The following MTMR12 variants were observed in gnomAD, a reference collection of about 807,000 sequenced individuals.
MTMR12 encodes the protein myotubularin-related protein 12.
A neutral mutation model predicts 96.7 loss-of-function variants in MTMR12; 33 were observed. The ratio of observed to expected loss-of-function variants is 0.34; its 90% CI spans 0.26 to 0.46. MTMR12 has a LOEUF of 0.46. Among genes scored for constraint, MTMR12 ranks in the 20% least tolerant of loss-of-function variants. MTMR12 has a pLI of 1.00. For synonymous variants in MTMR12, 298 were observed against 327.2 expected, an observed-to-expected ratio of 0.91 and a Z score of 0.96; for missense variants, 721 against 896.1, an observed-to-expected ratio of 0.80 and a Z score of 2.49.
chr5:32,264,761 T>TATTAC (rs547306352), intron 6 of MTMR12, among the ~76,000 whole-genome samples: 349 of 152,174 alleles, frequency 2.3e-3, no homozygotes, highest in African/African-American at 8.2e-3. Flanking sequence ...ACCCAGCCTA[T>TATTAC]ATTACATTTT....
chr5:32,293,815 C>A lies in MTMR12; in HGVS notation c.82-17073G>T, dbSNP rs1750827389. Among the ~76,000 whole-genome samples the A allele has an allele frequency of 1.3e-5, 2 of 152,304 alleles. 1 individual carries two copies. The highest frequency in any genetic ancestry group is 4.8e-5 in the African/African-American group (2 of 41,572). On this transcript the variant is annotated intron_variant, in intron 1 of 15. Coordinates refer to ENST00000382142, the MANE Select transcript of MTMR12 (RefSeq NM_001040446.3). ...CCTGGACACCTCAACAGCCTCCTGG[C>A]CACCTGCACCAGAATGTCCCTCATA...
intron 15 of MTMR12, among the ~76,000 whole-genome samples, chr5:32,232,131 C>T (rs968419960): frequency 6.6e-5 from 10 of 152,162 alleles, no homozygotes; most frequent in Non-Finnish European, 1.5e-4. Context: ...CTGGCCCGGG[C>T]CTGCGGCTGA....
chr5:32,266,941 A>T (rs1749622809), intron 6 of MTMR12, among the ~76,000 whole-genome samples: 1 of 147,246 alleles, frequency 6.8e-6, no homozygotes. Flanking sequence ...TTAGCTGGGC[A>T]TGGTGGCGCA....
At chr5:32,271,789 A>G in intron 4 of MTMR12, 44 bp downstream of exon 4, 1 of 1,187,236 alleles carries the variant, frequency 8.4e-7, no homozygotes, top group South Asian at 1.6e-5. Context: ...TATCACCTAT[A>G]CTCTCAAAGG....
chr5:32,295,979 C>A (rs1750905631), intron 1 of MTMR12, among the ~76,000 whole-genome samples: 1 of 151,944 alleles, frequency 6.6e-6, no homozygotes, highest in Non-Finnish European at 1.5e-5. Flanking sequence ...TATGGTGAAA[C>A]CCCATCTCTA....
chr5:32,257,809 A>G (rs919189838), intron 7 of MTMR12, among the ~76,000 whole-genome samples: 1 of 151,966 alleles, frequency 6.6e-6, no homozygotes, highest in Non-Finnish European at 1.5e-5. Flanking sequence ...CAACAACAAA[A>G]AACTTGGACT....
intron 2 of MTMR12, among the ~76,000 whole-genome samples, chr5:32,274,754 T>G (rs1749984808): frequency 6.6e-6 from 1 of 152,182 alleles, no homozygotes; most frequent in Admixed American, 6.5e-5. Context: ...TTTCCTCTCT[T>G]TCTTAGTTAA....
chr5:32,298,613 C>G (rs973432157), intron 1 of MTMR12, among the ~76,000 whole-genome samples: 2 of 152,068 alleles, frequency 1.3e-5, no homozygotes, highest in African/African-American at 2.4e-5. Context: ...ATAAGAGGGA[C>G]AGCATGCCTG....
chr5:32,255,960 A>G, intron 7 of MTMR12, 192 bp from the exon 8 acceptor site: 1 of 399,918 alleles, frequency 2.5e-6, no homozygotes, highest in Non-Finnish European at 4.6e-6. Context: ...ATCAGTGGGG[A>G]ATCTAAGTTC....
In MTMR12 at chr5:32,235,103, A is replaced by T; in HGVS notation, c.1371T>A (p.Asp457Glu). 6.2e-7 allele frequency: 1 copy of T among 1,613,766 alleles called. No individual in the cohort carries two copies. Among genetic ancestry groups the T allele is most frequent in the Non-Finnish European group, 8.5e-7 (1 of 1,179,898 alleles). The change falls in exon 14 of 16, where the codon GAT becomes GAA. Residue 457 changes from aspartate (D) to glutamate (E), a missense_variant. Coordinates refer to ENST00000382142, the MANE Select transcript of MTMR12 (RefSeq NM_001040446.3). ...EEVPVFLLFL[D>E]CVWQLVHQHP... Reference sequence around the variant, plus strand: ...GCTGGTGCACCAGCTGCCAGACACAATCTAGGAAAAGCAGGAACACAGGAA... The same window carrying T: ...GCTGGTGCACCAGCTGCCAGACACATTCTAGGAAAAGCAGGAACACAGGAA...
chr5:32,233,887 G>A lies in MTMR12; in HGVS notation c.1560C>T (p.Thr520=), dbSNP rs140912569. ...CAAACTGCACCGACCAATCCCACAC[G>A]GTGAGCAGATTCAAAGGCTTGCTTT... ...DTQSKPLNLL[T]VWDWSVQFEP... Residue 520 remains threonine, a synonymous_variant, in exon 15 of 16, where the codon ACC becomes ACT. Coordinates refer to ENST00000382142, the MANE Select transcript of MTMR12 (RefSeq NM_001040446.3). This position sits in a 1 kb window ranked among gnomAD's most constrained non-coding sequence, Gnocchi z 5.0. 2.2e-5 allele frequency: 35 copies of A among 1,614,144 alleles called. No individual in the cohort carries two copies. The African/African-American group carries it at 2.7e-4, about 12-fold the overall frequency.
intron 10 of MTMR12, among the ~76,000 whole-genome samples, chr5:32,244,028 G>A (rs1401016760): frequency 3.3e-5 from 5 of 152,138 alleles, no homozygotes; most frequent in Middle Eastern, 3.2e-3. Flanking sequence ...CAATGCACAA[G>A]TTCGTCCACC....
intron 1 of MTMR12, among the ~76,000 whole-genome samples, chr5:32,282,162 C>T (rs190612284): frequency 1.3e-5 from 2 of 152,228 alleles, no homozygotes; most frequent in Admixed American, 1.3e-4. Flanking sequence ...GCGGACGGAT[C>T]ACGAGGTCAG....
At chr5:32,295,071 G>C (rs1187521308) in intron 1 of MTMR12, among the ~76,000 whole-genome samples, 1 of 152,190 alleles carries the variant, frequency 6.6e-6, no homozygotes, top group Non-Finnish European at 1.5e-5. Context: ...GCTGTAGGAA[G>C]CTAAAAACCA....
chr5:32,263,578 C>T (rs1288387406), intron 6 of MTMR12, among the ~76,000 whole-genome samples: 1 of 152,030 alleles, frequency 6.6e-6, no homozygotes, highest in Non-Finnish European at 1.5e-5. Flanking sequence ...GCTGGGACTA[C>T]AGGAACGCAC....
At chr5:32,230,419 A>C in intron 15 of MTMR12, 72 bp from the exon 16 acceptor site, 1 of 1,372,350 alleles carries the variant, frequency 7.3e-7, no homozygotes, top group Non-Finnish European at 9.9e-7. Context: ...TACCATAACA[A>C]AAAGAGCATA....
At chr5:32,270,732 A>G in intron 5 of MTMR12, 85 bp downstream of exon 5, 1 of 1,441,784 alleles carries the variant, frequency 6.9e-7, no homozygotes, top group South Asian at 1.4e-5. Flanking sequence ...CCTCCCCTCA[A>G]CCTTCATGCA....
chr5:32,289,793 C>A (rs1037898370), intron 1 of MTMR12, among the ~76,000 whole-genome samples: 1 of 152,172 alleles, frequency 6.6e-6, no homozygotes, highest in Non-Finnish European at 1.5e-5. Flanking sequence ...AGGGTGAGGG[C>A]TATTATGGTG....
rs1748764228 is a variant in MTMR12, at chr5:32,247,913, C to T, written c.1021+89G>A. On this transcript the variant is annotated intron_variant, in intron 10 of 15. Coordinates refer to ENST00000382142, the MANE Select transcript of MTMR12 (RefSeq NM_001040446.3). ...GGGCTCTGCGTACTAACGTAAGGAACCCAGGGAAAAGGCACCAACTTTCAC... is the reference window on the plus strand; with the variant it reads ...GGGCTCTGCGTACTAACGTAAGGAATCCAGGGAAAAGGCACCAACTTTCAC... The T allele has an allele frequency of 3.3e-6, 5 of 1,523,440 alleles. No individual in the cohort carries two copies. The African/African-American group carries it at 4.1e-5, about 13-fold the overall frequency. The allele number at this position is 1,523,440 out of a possible 1,614,324, so 94.4% of individuals were successfully genotyped here.
Sources: gnomAD v4.1 joint callset for allele counts (sites outside exome capture counted in the v4.1 genomes callset) on GRCh38, gnomAD v4.1.1 for gene constraint, Gnocchi (gnomAD v3.1) non-coding constraint, MANE v1.5 for transcripts, NCBI Gene and HGNC (gene_info 2026-07-23, HGNC 2026-07-21) for gene names.